DCDC1: variants seen among roughly 807,000 people sequenced by gnomAD.
DCDC1 encodes the protein doublecortin domain containing 1.
DCDC1 carries 200 observed loss-of-function variants against 178.3 expected under a neutral mutation model. That is an observed-to-expected ratio of 1.12 (90% confidence interval 1.00 to 1.26). The LOEUF (loss-of-function observed/expected upper bound fraction) is 1.26. Among genes scored for constraint, DCDC1 ranks in the 50% most tolerant of loss-of-function variants. DCDC1 has a pLI of 0.00. For synonymous variants in DCDC1, 690 were observed against 604.8 expected (o/e 1.14, Z -2.07); for missense variants, 1,983 against 1,749.2 (o/e 1.13, Z -2.38).
intron 38 of DCDC1, among the ~76,000 whole-genome samples, chr11:30,875,148 C>G (rs372118839): frequency 2.6e-5 from 4 of 152,164 alleles, no homozygotes; most frequent in Admixed American, 2.0e-4. Context: ...TGAATACCTA[C>G]GGTTACACGG....
At chr11:31,323,460 T>C (rs976521255) in intron 3 of DCDC1, among the ~76,000 whole-genome samples, 1 of 152,202 alleles carries the variant, frequency 6.6e-6, no homozygotes, top group East Asian at 1.9e-4. Context: ...TAACAACCAC[T>C]CTTTAGCCCT....
intron 21 of DCDC1, among the ~76,000 whole-genome samples, chr11:30,937,528 C>G (rs1947350352): frequency 6.6e-6 from 1 of 152,144 alleles, no homozygotes; most frequent in African/African-American, 2.4e-5. Flanking sequence ...CTGCCTTTCC[C>G]TTCCTTCCCT....
intron 8 of DCDC1, among the ~76,000 whole-genome samples, chr11:31,249,584 G>C (rs1360065403): frequency 6.6e-6 from 1 of 152,138 alleles, no homozygotes; most frequent in Non-Finnish European, 1.5e-5. Context: ...GAGACTGCAA[G>C]TCCAAGGAAT....
At chr11:30,889,962 C>CT (rs1380672702) in intron 36 of DCDC1, among the ~76,000 whole-genome samples, 1 of 152,126 alleles carries the variant, frequency 6.6e-6, no homozygotes, top group Non-Finnish European at 1.5e-5. Flanking sequence ...GGGTGGAGCC[C>CT]TATTCCAGTG....
At chr11:31,074,963 T>C (rs1247752721) in intron 18 of DCDC1, among the ~76,000 whole-genome samples, 1 of 152,214 alleles carries the variant, frequency 6.6e-6, no homozygotes, top group Non-Finnish European at 1.5e-5. Flanking sequence ...CATGGCTATA[T>C]TACATAGTGG....
At chr11:31,284,327 C>A (rs957026824) in intron 7 of DCDC1, among the ~76,000 whole-genome samples, 1 of 152,070 alleles carries the variant, frequency 6.6e-6, no homozygotes, top group South Asian at 2.1e-4. Context: ...ATAGTACTAG[C>A]TATTTCACTT....
intron 16 of DCDC1, 86 bp downstream of exon 16, chr11:31,093,964 G>T: frequency 2.8e-6 from 2 of 715,316 alleles, no homozygotes; most frequent in Non-Finnish European, 5.1e-6. Context: ...GTATGCCCAT[G>T]TGCATGAGAG....
intron 32 of DCDC1, among the ~76,000 whole-genome samples, chr11:30,903,136 A>C (rs1944818797): frequency 6.6e-6 from 1 of 152,080 alleles, no homozygotes; most frequent in Admixed American, 6.6e-5. Context: ...TTTGGTTCTG[A>C]GTAAGAACAA....
chr11:31,268,130 A>G (rs560174156), intron 7 of DCDC1, among the ~76,000 whole-genome samples: 8 of 152,282 alleles, frequency 5.3e-5, no homozygotes, highest in Admixed American at 3.9e-4. Context: ...CAATTTCTTA[A>G]TATTATGAAG....
At chr11:31,094,515 T>C (rs926448358) in intron 15 of DCDC1, among the ~76,000 whole-genome samples, 1 of 152,120 alleles carries the variant, frequency 6.6e-6, no homozygotes, top group South Asian at 2.1e-4. Context: ...AATAGTGTTA[T>C]TATAGGCATG....
intron 9 of DCDC1, among the ~76,000 whole-genome samples, chr11:31,185,436 A>G (rs1032912393): frequency 3.9e-5 from 6 of 152,002 alleles, no homozygotes; most frequent in Non-Finnish European, 5.9e-5. Context: ...AATAAAATAA[A>G]AATAAGAAAA....
intron 15 of DCDC1, among the ~76,000 whole-genome samples, chr11:31,099,574 T>C (rs1958369966): frequency 6.6e-6 from 1 of 152,154 alleles, no homozygotes; most frequent in African/African-American, 2.4e-5. Context: ...GAACAGCATC[T>C]AGTTCAATGT....
chr11:31,315,449 G>A (rs1345345774), intron 3 of DCDC1, among the ~76,000 whole-genome samples: 4 of 148,660 alleles, frequency 2.7e-5, no homozygotes, highest in East Asian at 2.1e-4. Flanking sequence ...CCATCCTCCT[G>A]CCTCAGCCTC....
chr11:31,186,210 A>G (rs1199462888), intron 9 of DCDC1, among the ~76,000 whole-genome samples: 3 of 152,090 alleles, frequency 2.0e-5, no homozygotes, highest in African/African-American at 7.2e-5. Flanking sequence ...CTCAGAGTTC[A>G]GCCCTCTCCA....
chr11:31,017,883 A>T lies in DCDC1; in HGVS notation c.2591+46586T>A, dbSNP rs550403011. ...GCTGGGTTTATAGGTGTGAGCCACCATGCCCGGCCTCACTAAATTATTATC... is the reference window on the plus strand; with the variant it reads ...GCTGGGTTTATAGGTGTGAGCCACCTTGCCCGGCCTCACTAAATTATTATC... On this transcript the variant is annotated intron_variant, in intron 20 of 38. Transcript: ENST00000684477. 2.0e-5 allele frequency among the ~76,000 whole-genome samples: 3 copies of T among 152,348 alleles called. No individual in the cohort carries two copies. The South Asian group carries it at 6.2e-4, about 32-fold the overall frequency.
chr11:31,091,558 A>G (rs372113641), intron 16 of DCDC1, 47 bp from the exon 17 acceptor site: 5 of 701,110 alleles, frequency 7.1e-6, no homozygotes, highest in African/African-American at 1.8e-5. Flanking sequence ...AAGTTAAAAG[A>G]ACCAGAAAAT....
intron 20 of DCDC1, among the ~76,000 whole-genome samples, chr11:31,054,687 T>C (rs1444826346): frequency 6.6e-6 from 1 of 152,080 alleles, no homozygotes; most frequent in African/African-American, 2.4e-5. Flanking sequence ...ACCCAAATAC[T>C]TACAGCCAAC....
At chr11:30,968,711 T>TTATATATATATCAAATTATATATATA (rs1949597623) in intron 20 of DCDC1, among the ~76,000 whole-genome samples, 1 of 61,044 alleles carries the variant, frequency 1.6e-5, no homozygotes, top group African/African-American at 7.8e-5. Context: ...ATATATCAAA[T>TTATATATATATCAAATTATATATATA]TATATATATA....
intron 9 of DCDC1, among the ~76,000 whole-genome samples, chr11:31,150,053 TAA>T (rs1261211838): frequency 6.6e-6 from 1 of 152,238 alleles, no homozygotes; most frequent in East Asian, 1.9e-4. Flanking sequence ...ACCAGCAATT[TAA>T]AAGTGTTGCC....
Sources: gnomAD v4.1 joint callset for allele counts (sites outside exome capture counted in the v4.1 genomes callset) on GRCh38, gnomAD v4.1.1 for gene constraint, MANE v1.5 for transcripts, NCBI Gene and HGNC (gene_info 2026-07-23, HGNC 2026-07-21) for gene names.